TPX2: variants seen among roughly 807,000 people sequenced by gnomAD.
The protein encoded by TPX2 is TPX2 microtubule nucleation factor.
TPX2 carries 21 observed loss-of-function variants against 93.6 expected under a neutral mutation model. The ratio of observed to expected loss-of-function variants is 0.22; its 90% CI spans 0.16 to 0.32. The LOEUF is 0.32. Among genes scored for constraint, TPX2 ranks in the 10% least tolerant of loss-of-function variants. The pLI is 1.00. For synonymous variants in TPX2, 281 were observed against 298.3 expected (o/e 0.94, Z 0.60); for missense variants, 776 against 871.1 (o/e 0.89, Z 1.37).
intron 12 of TPX2, among the ~76,000 whole-genome samples, chr20:31,787,639 G>A (rs528695813): frequency 2.0e-5 from 3 of 152,286 alleles, no homozygotes; most frequent in Admixed American, 6.5e-5. Flanking sequence ...AAGGGGAAGA[G>A]ATTTTGAAAA....
chr20:31,785,132 TCTC>T (rs2062057332), intron 12 of TPX2, among the ~76,000 whole-genome samples: 1 of 152,334 alleles, frequency 6.6e-6, no homozygotes, highest in Admixed American at 6.5e-5. Flanking sequence ...TAGAAATGGT[TCTC>T]CTCCCTGATA....
rs1186956544 is a variant in TPX2, at chr20:31,801,063, A to G, written c.2227A>G (p.Thr743Ala). 3 of 1,613,700 alleles carry G rather than the reference A, an allele frequency of 1.9e-6. No homozygotes were observed. Among genetic ancestry groups the G allele is most frequent in the Non-Finnish European group, 2.5e-6 (3 of 1,179,908 alleles). The change falls in exon 18 of 18, where the codon ACT becomes GCT. Residue 743 changes from threonine (T) to alanine (A), a missense_variant. This residue lies in a region of TPX2 where 461 missense variants were observed against 551.2 expected (regional missense o/e 0.84). Transcript: ENST00000300403. ...TGTGCCTGTATCTCCCAAATTCTCC[A>G]CTCGATTCCACTGCTAAACTCAGCT... is the stretch of plus-strand genomic sequence containing the variant. Reference protein sequence around the residue: ...LTVPVSPKFSTRFHC With the variant: ...LTVPVSPKFSARFHC
rs781554900 is a variant in TPX2 at position 31,757,517 on chromosome 20, C to T, written c.41C>T (p.Ser14Leu). ...VKSSYSYDAP[S>L]DFINFSSLDD... The stretch of plus-strand genomic sequence containing the variant: ...AGCTCTTATTCCTATGATGCCCCCT[C>T]GGATTTCATCAATTTTTCATCCTTG... Residue 14 changes from serine to leucine, a missense_variant, in exon 3 of 18, where the codon TCG becomes TTG. Physicochemically the swap from Ser to Leu is moderately radical, Grantham distance 145. Coordinates refer to ENST00000300403, the MANE Select transcript of TPX2 (RefSeq NM_012112.5). 1.2e-5 allele frequency: 19 copies of T among 1,613,938 alleles called. No individual in the cohort carries two copies. Among genetic ancestry groups the T allele is most frequent in the East Asian group, 2.2e-5 (1 of 44,878 alleles).
At chr20:31,798,342 A>AT (rs777043027) in intron 16 of TPX2, 23 bp from the exon 17 acceptor site, 1 of 1,613,362 alleles carries the variant, frequency 6.2e-7, no homozygotes, top group African/African-American at 1.3e-5. Flanking sequence ...GTGCACCAAT[A>AT]TTTTTTCTGT....
chr20:31,778,698 A>C, intron 9 of TPX2, 115 bp from the exon 10 acceptor site: 1 of 928,642 alleles, frequency 1.1e-6, no homozygotes, highest in Non-Finnish European at 1.6e-6. Flanking sequence ...TCAGAATAAT[A>C]ATCTTGGTTT....
At chr20:31,748,852 A>C (rs6060923) in intron 2 of TPX2, among the ~76,000 whole-genome samples, 43,027 of 152,026 alleles carry the variant, frequency 0.28, 7,454 homozygotes, top group African/African-American at 0.48. Flanking sequence ...ATTTATGTGA[A>C]GTGTCTGGTA....
At chr20:31,759,175 T>G (rs2061871419) in intron 3 of TPX2, among the ~76,000 whole-genome samples, 1 of 152,112 alleles carries the variant, frequency 6.6e-6, no homozygotes, top group Non-Finnish European at 1.5e-5. Flanking sequence ...ACTGCATTCC[T>G]GAAACTATCA....
intron 14 of TPX2, 114 bp from the exon 15 acceptor site, chr20:31,794,288 A>G (rs1228600735): frequency 1.4e-6 from 2 of 1,389,766 alleles, no homozygotes; most frequent in East Asian, 2.3e-5. Context: ...TCATTCTTTC[A>G]TGCTGCTTTG....
chr20:31,793,353 T>C lies in TPX2; in HGVS notation c.1510-495T>C, dbSNP rs192371982. Among the ~76,000 whole-genome samples the C allele has an allele frequency of 1.5e-4, 23 of 152,322 alleles. No homozygotes were observed. In the Middle Eastern group the frequency reaches 0.014, roughly 90 times the overall value. ...CATTTTATCTATAAATATCCAGAGT[T>C]AGGGTAATTTTATAGCAGATTGCAA... is the stretch of plus-strand genomic sequence containing the variant. On this transcript the variant is annotated intron_variant, in intron 13 of 17. Transcript: ENST00000300403.
chr20:31,749,253 C>A (rs1600353603), intron 2 of TPX2, among the ~76,000 whole-genome samples: 2 of 152,102 alleles, frequency 1.3e-5, no homozygotes, highest in Non-Finnish European at 2.9e-5. Context: ...GCTTAAATGT[C>A]TATTTTTAAA....
At chr20:31,776,587 G>A (rs1310704327) in intron 8 of TPX2, among the ~76,000 whole-genome samples, 6 of 150,792 alleles carry the variant, frequency 4.0e-5, no homozygotes, top group African/African-American at 1.2e-4. Flanking sequence ...GTGCAGTGGC[G>A]TGATCTCCGC....
At chr20:31,750,401 G>C (rs1403925111) in intron 2 of TPX2, among the ~76,000 whole-genome samples, 1 of 152,018 alleles carries the variant, frequency 6.6e-6, no homozygotes, top group African/African-American at 2.4e-5. Flanking sequence ...CGATCCGCCC[G>C]CCTTGGCCTC....
chr20:31,771,654 C>T lies in TPX2; in HGVS notation c.580C>T (p.His194Tyr), dbSNP rs368452660. The change falls in exon 7 of 18, where the codon CAT becomes TAT. Residue 194 changes from histidine (H) to tyrosine (Y), a missense_variant. Coordinates refer to ENST00000300403, the MANE Select transcript of TPX2 (RefSeq NM_012112.5). ...ASSPEKAKGRHTVPCMPPAKQ... is the reference protein window; with the variant it reads ...ASSPEKAKGRYTVPCMPPAKQ... ...TTCCCCAGAGAAAGCCAAGGGTAGA[C>T]ATACTGTGCCTTGTATGCCACCTGC... is the stretch of plus-strand genomic sequence containing the variant. The T allele has an allele frequency of 3.2e-5, 51 of 1,612,942 alleles. No homozygotes were observed. The highest frequency in any genetic ancestry group is 4.0e-5 in the Non-Finnish European group (47 of 1,179,750).
chr20:31,792,868 A>G (rs2062111540), intron 13 of TPX2, 38 bp downstream of exon 13: 3 of 1,557,792 alleles, frequency 1.9e-6, no homozygotes, highest in South Asian at 1.1e-5. Context: ...TTTTCCTTCT[A>G]TATAGTCAGT....
intron 2 of TPX2, among the ~76,000 whole-genome samples, chr20:31,754,710 C>A (rs142017989): frequency 6.6e-6 from 1 of 151,964 alleles, no homozygotes; most frequent in African/African-American, 2.4e-5. Context: ...AATTTAGCTA[C>A]AAGGATGATG....
At chr20:31,796,735 A>G (rs2062141061) in intron 15 of TPX2, among the ~76,000 whole-genome samples, 1 of 151,308 alleles carries the variant, frequency 6.6e-6, no homozygotes. Context: ...TGGGAAGAAT[A>G]CTTTATAGGT....
intron 1 of TPX2, among the ~76,000 whole-genome samples, chr20:31,740,648 A>G (rs1233438524): frequency 1.3e-5 from 2 of 152,330 alleles, no homozygotes; most frequent in South Asian, 4.1e-4. Flanking sequence ...GGACAAAAAC[A>G]TGGTTTGAAA....
intron 12 of TPX2, among the ~76,000 whole-genome samples, chr20:31,786,882 G>A (rs1415373815): frequency 6.6e-6 from 1 of 152,154 alleles, no homozygotes; most frequent in Non-Finnish European, 1.5e-5. Context: ...AAACAGATCT[G>A]CAAAGCACTA....
intron 2 of TPX2, among the ~76,000 whole-genome samples, chr20:31,755,419 T>G (rs2061845732): frequency 6.6e-6 from 1 of 152,126 alleles, no homozygotes; most frequent in Non-Finnish European, 1.5e-5. Context: ...TTTATTCAAG[T>G]GATTACTGGC....
Sources: allele counts gnomAD v4.1 joint callset (sites outside exome capture counted in the v4.1 genomes callset), GRCh38; gene constraint gnomAD v4.1.1; regional missense constraint gnomAD v4.1.1; transcripts MANE v1.5; gene names NCBI Gene and HGNC (gene_info 2026-07-23, HGNC 2026-07-21).